Variants in SLC51A observed in about 807,000 individuals in gnomAD.
SLC51A encodes organic solute transporter subunit alpha.
Under a neutral mutation model 34.8 loss-of-function variants are expected in SLC51A, and 22 were observed. The observed-to-expected ratio is 0.63, with a 90% CI of 0.45 to 0.90. The LOEUF (loss-of-function observed/expected upper bound fraction) is 0.90, where lower values mean the gene tolerates loss of function less well. SLC51A is among the 40% of genes least tolerant of loss of function. SLC51A has a pLI of 0.00. For missense variants in SLC51A, 371 were observed against 414.8 expected, an observed-to-expected ratio of 0.89 and a Z score of 0.92; for synonymous variants, 181 against 176.3, an observed-to-expected ratio of 1.03 and a Z score of -0.21.
intron 2 of SLC51A, among the ~76,000 whole-genome samples, chr3:196,224,772 G>A (rs1238229539): frequency 7.4e-6 from 1 of 135,654 alleles, no homozygotes; most frequent in African/African-American, 2.7e-5. Context: ...GGGGAGGGGA[G>A]GGGAGGGGAG....
intron 2 of SLC51A, among the ~76,000 whole-genome samples, chr3:196,224,806 G>C (rs989534250): frequency 3.3e-5 from 5 of 150,526 alleles, no homozygotes; most frequent in African/African-American, 1.2e-4. Context: ...TCTGCAAGTG[G>C]AGGAGAGAGG....
At position 196,228,254 on chromosome 3, in the gene SLC51A, C is replaced by T; in HGVS notation, c.502C>T (p.Pro168Ser). The change falls in exon 5 of 9, where the codon CCA becomes TCA. Residue 168 changes from proline to serine, a missense_variant. Pro to Ser is a moderately conservative substitution (Grantham distance 74). Transcript: ENST00000296327. The surrounding 1 kb of genome is among the most constrained non-coding windows in gnomAD (Gnocchi z 4.9). ...CTGCTGCTGCTGCTGCCCCTGCTGT[C>T]CACGGCTGCTGCTCACCAGGTGAGG... ...GPCCCCCPCC[P>S]RLLLTRKKLQ... The T allele has an allele frequency of 6.2e-7, 1 of 1,612,512 alleles. No homozygotes were observed.
At chr3:196,231,938 C>T (rs1260309837) in intron 7 of SLC51A, among the ~76,000 whole-genome samples, 1 of 152,204 alleles carries the variant, frequency 6.6e-6, no homozygotes, top group Non-Finnish European at 1.5e-5. Flanking sequence ...CCATTACCAC[C>T]GTCCATCTCC....
intron 7 of SLC51A, among the ~76,000 whole-genome samples, chr3:196,231,917 T>C (rs1249258887): frequency 6.6e-6 from 1 of 152,162 alleles, no homozygotes; most frequent in Non-Finnish European, 1.5e-5. Context: ...TACATTCCCA[T>C]AGTTGCACTA....
intron 3 of SLC51A, 199 bp from the exon 4 acceptor site, chr3:196,227,465 C>CG: frequency 1.6e-6 from 1 of 614,446 alleles, no homozygotes. Context: ...TCAGCTCCAC[C>CG]CTTACGCTGA....
At chr3:196,223,977 G>C (rs1723831648) in intron 2 of SLC51A, 1 of 348,054 alleles carries the variant, frequency 2.9e-6, no homozygotes, top group Non-Finnish European at 5.5e-6. Context: ...TCCTGCCTCA[G>C]CCTCTCCAGT....
chr3:196,229,946 A>G lies in SLC51A; in HGVS notation c.665A>G (p.Asn222Ser), dbSNP rs1469911235. 1 of 1,613,064 alleles carries G rather than the reference A, an allele frequency of 6.2e-7. No individual in the cohort carries two copies. Among genetic ancestry groups the G allele is most frequent in the Non-Finnish European group, 8.5e-7 (1 of 1,179,582 alleles). The change falls in exon 7 of 9, where the codon AAC (asparagine) becomes AGC (serine). Residue 222 changes from asparagine to serine, a missense_variant. Asn to Ser is a conservative substitution (Grantham distance 46). Transcript: ENST00000296327. ...ISEGSTALWI[N>S]TFLGVSTLLA... ...GAGGGGAGCACAGCTCTATGGATCAACACTTTCCTTGGCGTGTCCACACTG... is the reference window on the plus strand; with the variant it reads ...GAGGGGAGCACAGCTCTATGGATCAGCACTTTCCTTGGCGTGTCCACACTG...
At chr3:196,220,790 C>G (rs1723736759) in intron 2 of SLC51A, among the ~76,000 whole-genome samples, 1 of 152,090 alleles carries the variant, frequency 6.6e-6, no homozygotes, top group South Asian at 2.1e-4. Flanking sequence ...ATGGTGACGG[C>G]ACAGCCAGAA....
At chr3:196,217,201 C>T (rs1038418291) in intron 1 of SLC51A, among the ~76,000 whole-genome samples, 2 of 152,210 alleles carry the variant, frequency 1.3e-5, no homozygotes, top group African/African-American at 4.8e-5. Flanking sequence ...CTTACTCCCC[C>T]ACCTGGGCCA....
At position 196,228,273 on chromosome 3, in the gene SLC51A, G is replaced by C; in HGVS notation, c.521G>C (p.Arg174Thr). ...CPCCPRLLLT[R>T]KKLQLLMLGP... ...TGCTGTCCACGGCTGCTGCTCACCA[G>C]GTGAGGCGGGGCCAAGGTGCCTTCC... The change falls in exon 5 of 9, where the codon AGG becomes ACG. Residue 174 changes from arginine (R) to threonine (T), a missense_variant and splice_region_variant. By Grantham distance (71) the Arg-to-Thr change is moderately conservative (BLOSUM62 -1). Transcript: ENST00000296327. The surrounding 1 kb of genome is among the most constrained non-coding windows in gnomAD (Gnocchi z 4.9). The C allele has an allele frequency of 6.2e-7, 1 of 1,609,240 alleles. No homozygotes were observed. Among genetic ancestry groups the C allele is most frequent in the Non-Finnish European group, 8.5e-7 (1 of 1,178,928 alleles).
chr3:196,228,148 G>A lies in SLC51A; in HGVS notation c.396G>A (p.Leu132=), dbSNP rs778010061. 8.1e-6 allele frequency: 13 copies of A among 1,614,090 alleles called. No individual in the cohort carries two copies. The South Asian group carries it at 1.3e-4, about 16-fold the overall frequency. ...FYAVCFYLLM[L]VMVEGFGGKE... is the part of the protein sequence containing the mutation. ...CCGTGTGCTTTTACCTGCTGATGCT[G>A]GTCATGGTGGAAGGCTTTGGGGGGA... is the stretch of plus-strand genomic sequence containing the variant. Residue 132 remains leucine (L), a synonymous_variant, in exon 5 of 9, where the codon CTG becomes CTA. Transcript: ENST00000296327. This position sits in a 1 kb window ranked among gnomAD's most constrained non-coding sequence, Gnocchi z 4.9.
At chr3:196,225,256 G>A (rs902124896) in intron 2 of SLC51A, among the ~76,000 whole-genome samples, 1 of 152,120 alleles carries the variant, frequency 6.6e-6, no homozygotes, top group African/African-American at 2.4e-5. Flanking sequence ...CTACCAGTGT[G>A]AGCCACCGTG....
At chr3:196,223,266 C>G (rs555278367) in intron 2 of SLC51A, among the ~76,000 whole-genome samples, 1 of 151,874 alleles carries the variant, frequency 6.6e-6, no homozygotes, top group Non-Finnish European at 1.5e-5. Context: ...TAGGTTATTT[C>G]TTTCATTCAA....
In SLC51A at chr3:196,233,196, C is replaced by T. The variant is rs375050028; in HGVS notation, c.1020C>T (p.Ala340=). Residue 340 remains alanine, a synonymous_variant, in exon 9 of 9, where the codon GCC becomes GCT. Transcript: ENST00000296327. ...CAGACCTGGACTTGAACCTCAAAGC[C>T]TAAGGTGGATGGCTTGGACAATGAA... The part of the protein sequence containing the change: ...SSPDLDLNLK[A] 7 of 1,614,076 alleles carry T rather than the reference C, an allele frequency of 4.3e-6. No homozygotes were observed. In the African/African-American group the frequency reaches 9.3e-5, roughly 22 times the overall value.
chr3:196,224,633 AC>A (rs1723848632), intron 2 of SLC51A, among the ~76,000 whole-genome samples: 1 of 146,374 alleles, frequency 6.8e-6, no homozygotes, highest in Non-Finnish European at 1.5e-5. Context: ...CTAAGATCAG[AC>A]CAGTGCACTC....
intron 1 of SLC51A, among the ~76,000 whole-genome samples, chr3:196,217,167 C>T (rs1449070134): frequency 6.6e-6 from 1 of 152,220 alleles, no homozygotes; most frequent in Non-Finnish European, 1.5e-5. Context: ...CAGCCAGGCA[C>T]AGCCTGGCTA....
rs1723948960 is a variant in SLC51A, at chr3:196,228,390, G to A, written c.521+117G>A. ...AGGCCAAAGCCAGTGACGGAAGGGT[G>A]GGCATCCCACGGCCAGGACCCACGG... On this transcript the variant is annotated intron_variant, in intron 5 of 8. Coordinates refer to ENST00000296327, the MANE Select transcript of SLC51A (RefSeq NM_152672.6). This position sits in a 1 kb window ranked among gnomAD's most constrained non-coding sequence, Gnocchi z 4.9. 2 of 1,366,154 alleles carry A rather than the reference G, an allele frequency of 1.5e-6. No homozygotes were observed. Among genetic ancestry groups the A allele is most frequent in the Admixed American group, 5.5e-5 (2 of 36,230 alleles). 84.6% of individuals were successfully genotyped at this position (1,366,154 alleles called of 1,614,324 possible). A position where few individuals can be genotyped will look rare whatever the true frequency, so the allele number is the denominator to read the frequency against.
intron 1 of SLC51A, among the ~76,000 whole-genome samples, chr3:196,217,558 A>G (rs918597838): frequency 2.1e-5 from 3 of 141,758 alleles, no homozygotes; most frequent in East Asian, 4.8e-4. Flanking sequence ...AAAAAAAAAG[A>G]AAGAAAAAGG....
intron 2 of SLC51A, among the ~76,000 whole-genome samples, chr3:196,218,435 T>G (rs78622644): frequency 0.033 from 4,990 of 152,362 alleles, 237 homozygotes; most frequent in African/African-American, 0.096. Context: ...CACTGGAGCA[T>G]TCTGTTGTCG....
Sources: allele counts gnomAD v4.1 joint callset (sites outside exome capture counted in the v4.1 genomes callset), GRCh38; gene constraint gnomAD v4.1.1; non-coding constraint Gnocchi (gnomAD v3.1); transcripts MANE v1.5; gene names NCBI Gene and HGNC (gene_info 2026-07-23, HGNC 2026-07-21).